The following TPP2 variants were observed in gnomAD, a reference collection of about 807,000 sequenced individuals.
The protein encoded by TPP2 is tripeptidyl peptidase 2, also known as tripeptidyl-peptidase 2.
In TPP2, 34 loss-of-function variants were observed where a neutral mutation model predicts 155.9. That is an observed-to-expected ratio of 0.22 (90% CI 0.17 to 0.29). The LOEUF is 0.29. Among genes scored for constraint, TPP2 ranks in the 10% least tolerant of loss-of-function variants. The pLI is 1.00. For missense variants in TPP2, 1,028 were observed against 1,522.3 expected, an observed-to-expected ratio of 0.68 and a Z score of 5.40; for synonymous variants, 510 against 529.4, an observed-to-expected ratio of 0.96 and a Z score of 0.50.
intron 14 of TPP2, 147 bp downstream of exon 14, chr13:102,637,386 G>A (rs1264584098): frequency 1.2e-6 from 1 of 847,224 alleles, no homozygotes; most frequent in Non-Finnish European, 1.7e-6. Context: ...AGTTCTTCTG[G>A]TGTGTCTATA....
intron 2 of TPP2, 142 bp downstream of exon 2, chr13:102,605,063 T>G: frequency 7.6e-7 from 1 of 1,323,872 alleles, no homozygotes; most frequent in Non-Finnish European, 1.0e-6. Flanking sequence ...TGGTTTAAAA[T>G]GACAAATATT....
intron 25 of TPP2, among the ~76,000 whole-genome samples, chr13:102,663,116 T>A (rs1884340491): frequency 1.0e-5 from 1 of 98,276 alleles, no homozygotes; most frequent in African/African-American, 5.2e-5. Context: ...ATTTTCAGTT[T>A]GATTTATTTA....
intron 2 of TPP2, 65 bp from the exon 3 acceptor site, chr13:102,614,036 G>C (rs147149258): frequency 7.1e-7 from 1 of 1,417,966 alleles, no homozygotes; most frequent in Non-Finnish European, 9.9e-7. Context: ...TTTTTGCTCA[G>C]TAGTGTATCA....
At position 102,623,008 on chromosome 13, in the gene TPP2, A is replaced by G. The variant is rs1252013472; in HGVS notation, c.752A>G (p.Asp251Gly). The change falls in exon 6 of 30, where the codon GAT becomes GGT. Residue 251 changes from aspartate (D) to glycine (G), a missense_variant. By Grantham distance (94) the Asp-to-Gly change is moderately conservative (BLOSUM62 -1). Coordinates refer to ENST00000376052, the MANE Select transcript of TPP2 (RefSeq NM_001330588.2). ...AATTACTCCGTTAATATATACGATGATGGAAACCTGCTCTCCATTGTGACC... is the reference window on the plus strand; with the variant it reads ...AATTACTCCGTTAATATATACGATGGTGGAAACCTGCTCTCCATTGTGACC... The part of the protein sequence containing the change: ...MLNYSVNIYD[D>G]GNLLSIVTSG... 2.5e-6 allele frequency: 4 copies of G among 1,613,646 alleles called. No individual in the cohort carries two copies. The highest frequency in any genetic ancestry group is 1.7e-5 in the Admixed American group (1 of 59,896).
chr13:102,624,390 C>T (rs1566333585), intron 6 of TPP2, among the ~76,000 whole-genome samples: 1 of 152,108 alleles, frequency 6.6e-6, no homozygotes, highest in African/African-American at 2.4e-5. Flanking sequence ...CACATACATA[C>T]ATATACATAA....
chr13:102,655,070 T>C (rs951725643), intron 24 of TPP2: 14 of 479,838 alleles, frequency 2.9e-5, no homozygotes, highest in Admixed American at 2.8e-4. Flanking sequence ...AGCCAGTGGC[T>C]ACAAATGGAT....
At chr13:102,647,585 A>G (rs1027575602) in intron 21 of TPP2, among the ~76,000 whole-genome samples, 7 of 152,168 alleles carry the variant, frequency 4.6e-5, no homozygotes, top group African/African-American at 1.4e-4. Context: ...CCTTGCCCAC[A>G]CTGGCCAGCA....
At chr13:102,640,498 C>A in intron 16 of TPP2, 122 bp downstream of exon 16, 1 of 713,330 alleles carries the variant, frequency 1.4e-6, no homozygotes, top group Non-Finnish European at 2.3e-6. Flanking sequence ...TATTTGGGTA[C>A]CTTAGACTTT....
In TPP2 at chr13:102,597,056, T is replaced by C; in HGVS notation, c.18T>C (p.Thr6=). The C allele has an allele frequency of 6.2e-7, 1 of 1,611,862 alleles. No individual in the cohort carries two copies. Among genetic ancestry groups the C allele is most frequent in the Non-Finnish European group, 8.5e-7 (1 of 1,179,456 alleles). MATAA[T]EEPFPFHGLL... ...CTGCGTCCATGGCCACCGCTGCGAC[T>C]GAGGAGCCCTTCCCTTTTCACGGTC... The change falls in exon 1 of 30, where the codon ACT becomes ACC. Residue 6 remains threonine (T), a synonymous_variant. Coordinates refer to ENST00000376052, the MANE Select transcript of TPP2 (RefSeq NM_001330588.2).
chr13:102,663,293 A>G (rs1425830093), intron 25 of TPP2, among the ~76,000 whole-genome samples: 17 of 152,212 alleles, frequency 1.1e-4, no homozygotes, highest in Non-Finnish European at 1.9e-4. Flanking sequence ...GACTACAGGC[A>G]TGTGCCACCA....
chr13:102,642,559 C>T (rs1273609377), intron 16 of TPP2, among the ~76,000 whole-genome samples: 1 of 152,102 alleles, frequency 6.6e-6, no homozygotes, highest in Non-Finnish European at 1.5e-5. Context: ...TAGCAACTGA[C>T]TAGGTTCTGA....
intron 6 of TPP2, among the ~76,000 whole-genome samples, chr13:102,623,814 G>A (rs1045335466): frequency 3.3e-5 from 5 of 152,198 alleles, no homozygotes; most frequent in Non-Finnish European, 7.3e-5. Flanking sequence ...GTTCTGGAAT[G>A]TCCCTCAGAT....
At chr13:102,627,275 G>C (rs1405803184) in intron 7 of TPP2, 109 bp downstream of exon 7, 12 of 1,038,020 alleles carry the variant, frequency 1.2e-5, no homozygotes, top group Non-Finnish European at 1.5e-5. Flanking sequence ...ACTATATATA[G>C]TGTACAGGAC....
chr13:102,636,047 GTGT>G (rs1168981658), intron 12 of TPP2, among the ~76,000 whole-genome samples, 174 bp from the exon 13 acceptor site: 1 of 152,130 alleles, frequency 6.6e-6, no homozygotes, highest in African/African-American at 2.4e-5. Context: ...GATGTGACTG[GTGT>G]TGTTTCTAAA....
intron 10 of TPP2, among the ~76,000 whole-genome samples, chr13:102,632,976 A>G (rs1016293016): frequency 2.6e-5 from 4 of 151,688 alleles, no homozygotes; most frequent in Non-Finnish European, 4.4e-5. Context: ...AGAGGAATAT[A>G]TATGTATTGC....
chr13:102,679,712 C>G lies in TPP2; in HGVS notation c.*1396C>G, dbSNP rs1265118824. ...ACACTCATGGACTTTCACCTGCACACACATACAGGTCCCCATTTGTATAGG... is the reference window on the plus strand; with the variant it reads ...ACACTCATGGACTTTCACCTGCACAGACATACAGGTCCCCATTTGTATAGG... On this transcript the variant is annotated 3_prime_UTR_variant, in exon 30 of 30. Transcript: ENST00000376052. The G allele has an allele frequency of 6.6e-6, 1 of 152,220 alleles. No homozygotes were observed. Among genetic ancestry groups the G allele is most frequent in the Non-Finnish European group, 1.5e-5 (1 of 68,046 alleles). 9.4% of individuals were successfully genotyped at this position (152,220 alleles called of 1,614,324 possible).
At chr13:102,670,459 A>G (rs1884898660) in intron 27 of TPP2, among the ~76,000 whole-genome samples, 1 of 152,098 alleles carries the variant, frequency 6.6e-6, no homozygotes. Flanking sequence ...TAGTTCTGGT[A>G]TGTGAGCAAA....
intron 6 of TPP2, among the ~76,000 whole-genome samples, chr13:102,625,612 T>A (rs918032767): frequency 6.6e-6 from 1 of 152,274 alleles, no homozygotes; most frequent in Non-Finnish European, 1.5e-5. Flanking sequence ...GTGTAAGGTG[T>A]TTTGAAGGAA....
intron 5 of TPP2, among the ~76,000 whole-genome samples, chr13:102,620,850 T>G (rs865880168): frequency 6.6e-6 from 1 of 152,216 alleles, no homozygotes; most frequent in South Asian, 2.1e-4. Flanking sequence ...TTCTTTACAG[T>G]GGATTTTGAC....
Sources: gnomAD v4.1 joint callset for allele counts (sites outside exome capture counted in the v4.1 genomes callset) on GRCh38, gnomAD v4.1.1 for gene constraint, MANE v1.5 for transcripts, NCBI Gene and HGNC (gene_info 2026-07-23, HGNC 2026-07-21) for gene names.